The following TCF20 variants were observed in gnomAD, a reference collection of about 807,000 sequenced individuals.
TCF20 encodes the protein SPRE-binding protein.
Under a neutral mutation model 148.6 loss-of-function variants are expected in TCF20, and 3 were observed. That is an observed-to-expected ratio of 0.02 (90% CI 0.01 to 0.05). The LOEUF is 0.05. Ranked by LOEUF, TCF20 falls within the 10% of genes least tolerant of loss-of-function variation. The pLI is 1.00. For missense variants in TCF20, 2,350 were observed against 2,429.3 expected (o/e 0.97, Z 0.69); for synonymous variants, 1,049 against 909.5 (o/e 1.15, Z -2.76).
intron 2 of TCF20, among the ~76,000 whole-genome samples, chr22:42,184,541 C>T (rs1936952898): frequency 6.6e-6 from 1 of 152,084 alleles, no homozygotes; most frequent in South Asian, 2.1e-4. Flanking sequence ...GCATTATCAT[C>T]CTCCTATGCT....
chr22:42,184,493 A>T (rs149478717), intron 2 of TCF20, among the ~76,000 whole-genome samples: 98 of 152,298 alleles, frequency 6.4e-4, no homozygotes, highest in African/African-American at 2.2e-3. Flanking sequence ...TTTCTAATTA[A>T]ATTTTTATTC....
exon 1 of TCF20, among the ~76,000 whole-genome samples, chr22:42,283,917 G>A (rs1247463203): frequency 6.6e-6 from 1 of 152,254 alleles, no homozygotes; most frequent in Non-Finnish European, 1.5e-5. Flanking sequence ...GAGCCGAGGC[G>A]GGGGAGGAGG....
At chr22:42,243,791 G>A (rs185725895) in intron 1 of TCF20, among the ~76,000 whole-genome samples, 6 of 152,188 alleles carry the variant, frequency 3.9e-5, no homozygotes, top group East Asian at 1.9e-4. Context: ...ACCTAAAACT[G>A]CTCTAAGCAA....
At chr22:42,286,688 G>A (rs548267758), upstream of TCF20, among the ~76,000 whole-genome samples, 18 of 152,206 alleles carry the variant, frequency 1.2e-4, no homozygotes, top group Non-Finnish European at 2.1e-4. Flanking sequence ...GTGCGCTTCA[G>A]GGGATCAGAG....
At position 42,210,292 on chromosome 22, in the gene TCF20, G is replaced by A; in HGVS notation, c.5014C>T (p.Pro1672Ser). The A allele has an allele frequency of 6.2e-7, 1 of 1,614,128 alleles. No homozygotes were observed. Among genetic ancestry groups the A allele is most frequent in the South Asian group, 1.1e-5 (1 of 91,082 alleles). ...TTGCTTTCAGTGCTGCTAGGTGGAG[G>A]GGTCAGTGACCTCTGACCCTTCCTG... ...RGRKGQRSLTPPPSSTESKAL... is the reference protein window; with the variant it reads ...RGRKGQRSLTSPPSSTESKAL... Residue 1672 changes from proline to serine, a missense_variant, in exon 2 of 6, where the codon CCT becomes TCT. Pro to Ser is a moderately conservative substitution (Grantham distance 74). Around this residue, in one of 7 missense-constraint regions of TCF20, gnomAD observed 374 missense variants for 398.3 expected, o/e 0.94. Transcript: ENST00000677622. This position sits in a 1 kb window ranked among gnomAD's most constrained non-coding sequence, Gnocchi z 4.7.
At chr22:42,341,780 C>CGG (rs976553333) in intron 1 of TCF20, among the ~76,000 whole-genome samples, 3 of 35,892 alleles carry the variant, frequency 8.4e-5, no homozygotes, top group African/African-American at 2.9e-4. Context: ...GCGGGGTGGG[C>CGG]GGGGGGGGCA....
rs553151457 is a variant in TCF20, at chr22:42,290,945, G to A, written c.-37+52534C>T. Among the ~76,000 whole-genome samples, 1 of 152,294 alleles carries A rather than the reference G, an allele frequency of 6.6e-6. No individual in the cohort carries two copies. Among genetic ancestry groups the A allele is most frequent in the South Asian group, 2.1e-4 (1 of 4,832 alleles). On this transcript the variant is annotated intron_variant, in intron 1 of 1. Transcript: ENST00000515426. The surrounding 1 kb of genome is among the most constrained non-coding windows in gnomAD (Gnocchi z 4.2). ...CTCGGTACAACCTCAGTACAACCATGAGAGGCAGCTTGAAAATGCCCATTT... is the reference window on the plus strand; with the variant it reads ...CTCGGTACAACCTCAGTACAACCATAAGAGGCAGCTTGAAAATGCCCATTT...
At chr22:42,236,550 T>C (rs79812456) in intron 1 of TCF20, among the ~76,000 whole-genome samples, 4,949 of 152,338 alleles carry the variant, frequency 0.032, 130 homozygotes, top group Non-Finnish European at 0.048. Flanking sequence ...TGGAGGCAGA[T>C]GGCCTCTAAA....
chr22:42,326,458 C>T (rs1158043479), intron 1 of TCF20, among the ~76,000 whole-genome samples: 2 of 152,236 alleles, frequency 1.3e-5, no homozygotes, highest in African/African-American at 4.8e-5. Context: ...AGCACCGTCG[C>T]CTGCTATGCT....
chr22:42,235,041 C>A (rs367893011), intron 1 of TCF20, among the ~76,000 whole-genome samples: 2 of 151,156 alleles, frequency 1.3e-5, no homozygotes, highest in Admixed American at 1.3e-4. Flanking sequence ...ACTCGGGAGG[C>A]TGAGGCAGGA....
chr22:42,226,785 G>C (rs1207235809), intron 1 of TCF20, among the ~76,000 whole-genome samples: 2 of 152,082 alleles, frequency 1.3e-5, no homozygotes, highest in East Asian at 3.8e-4. Flanking sequence ...CCAATCCAAA[G>C]CAGAAGTGGG....
chr22:42,224,395 C>T (rs1287538389), intron 1 of TCF20, among the ~76,000 whole-genome samples: 3 of 151,602 alleles, frequency 2.0e-5, no homozygotes, highest in Non-Finnish European at 4.4e-5. Context: ...TGGCGTGAAC[C>T]TGGGAGGCAG....
upstream of TCF20, among the ~76,000 whole-genome samples, chr22:42,286,453 A>T (rs1927032750): frequency 6.6e-6 from 1 of 152,224 alleles, no homozygotes; most frequent in Non-Finnish European, 1.5e-5. Context: ...AGAGCCACAC[A>T]TGCTCCACCT....
chr22:42,185,099 C>G (rs1334598910), intron 2 of TCF20, among the ~76,000 whole-genome samples: 2 of 152,196 alleles, frequency 1.3e-5, no homozygotes, highest in African/African-American at 4.8e-5. Context: ...ATAACAGCAA[C>G]CTGAATCATC....
Position 42,292,534 on chromosome 22 carries a change from A to G in TCF20, c.-37+50945T>C, listed in dbSNP as rs898690218. 6.6e-6 allele frequency among the ~76,000 whole-genome samples: 1 copy of G among 152,196 alleles called. No individual in the cohort carries two copies. Among genetic ancestry groups the G allele is most frequent in the South Asian group, 2.1e-4 (1 of 4,830 alleles). On this transcript the variant is annotated intron_variant, in intron 1 of 1. Coordinates refer to the TCF20 transcript ENST00000515426. This position sits in a 1 kb window ranked among gnomAD's most constrained non-coding sequence, Gnocchi z 4.9. ...GCTCAGCCTGGCCCTCAATGAGGTA[A>G]CATCCTGCGTGTCAACTGTAACCAA...
Position 42,309,031 on chromosome 22 carries a change from G to A in TCF20, c.-37+34448C>T, listed in dbSNP as rs994961672. 3.3e-5 allele frequency among the ~76,000 whole-genome samples: 5 copies of A among 152,250 alleles called. No homozygotes were observed. The East Asian group carries it at 9.6e-4, about 29-fold the overall frequency. ...AACACGCCGGTGCCTGCCGCCTGGT[G>A]CAGAGGCCTCACAGGACACCCTGGC... On this transcript the variant is annotated intron_variant, in intron 1 of 1. Coordinates refer to the TCF20 transcript ENST00000515426.
intron 1 of TCF20, among the ~76,000 whole-genome samples, chr22:42,337,820 C>T (rs575564043): frequency 3.3e-5 from 5 of 152,370 alleles, no homozygotes; most frequent in South Asian, 4.1e-4. Flanking sequence ...TGACCTTATC[C>T]GCAATCCTCC....
chr22:42,314,538 C>T (rs1927595991), intron 1 of TCF20, among the ~76,000 whole-genome samples: 3 of 152,232 alleles, frequency 2.0e-5, no homozygotes, highest in Admixed American at 6.5e-5. Flanking sequence ...CTTCCCAGAG[C>T]CGGGGAGCTA....
intron 1 of TCF20, among the ~76,000 whole-genome samples, chr22:42,281,712 A>C (rs954281503): frequency 6.6e-6 from 1 of 152,216 alleles, no homozygotes; most frequent in African/African-American, 2.4e-5. Flanking sequence ...CCTTGGGGTG[A>C]GTTTGCCCAA....
Sources: allele counts gnomAD v4.1 joint callset (sites outside exome capture counted in the v4.1 genomes callset), GRCh38; gene constraint gnomAD v4.1.1; regional missense constraint gnomAD v4.1.1; non-coding constraint Gnocchi (gnomAD v3.1); transcripts MANE v1.5; gene names NCBI Gene and HGNC (gene_info 2026-07-23, HGNC 2026-07-21).